Variants in EVL observed in about 807,000 individuals in gnomAD.
EVL encodes the protein ena/VASP-like protein.
A neutral mutation model predicts 59.6 loss-of-function variants in EVL; 21 were observed. The ratio of observed to expected loss-of-function variants is 0.35; its 90% CI spans 0.25 to 0.51. The LOEUF is 0.51. EVL is among the 20% of genes least tolerant of loss of function. The pLI is 0.97. For synonymous variants in EVL, 198 were observed against 203.5 expected, an observed-to-expected ratio of 0.97 and a Z score of 0.23; for missense variants, 462 against 546.6, an observed-to-expected ratio of 0.85 and a Z score of 1.54.
chr14:100,003,892 A>C lies in EVL; in HGVS notation c.5+31835A>C, dbSNP rs188043699. 7.9e-5 allele frequency among the ~76,000 whole-genome samples: 12 copies of C among 152,352 alleles called. No homozygotes were observed. In the East Asian group the frequency reaches 1.7e-3, roughly 22 times the overall value. On this transcript the variant is annotated intron_variant, in intron 1 of 13. Coordinates refer to the EVL transcript ENST00000402714. ...TGCACAGATTATATTGGAAGAAAAC[A>C]TTCCTTTTAGACCTTTAAAAAAATG...
intron 1 of EVL, among the ~76,000 whole-genome samples, chr14:100,054,956 C>T (rs1288666360): frequency 6.6e-6 from 1 of 152,174 alleles, no homozygotes; most frequent in Non-Finnish European, 1.5e-5. Context: ...AATCCCAGCA[C>T]TTTGGGAGGC....
chr14:100,048,999 C>T (rs2061602461), intron 1 of EVL, among the ~76,000 whole-genome samples: 1 of 152,116 alleles, frequency 6.6e-6, no homozygotes, highest in Non-Finnish European at 1.5e-5. Flanking sequence ...ACTCTTCTGC[C>T]TTCTGATTGT....
At chr14:100,002,203 C>G (rs1291349726) in intron 1 of EVL, among the ~76,000 whole-genome samples, 1 of 152,146 alleles carries the variant, frequency 6.6e-6, no homozygotes, top group Non-Finnish European at 1.5e-5. Context: ...ATTTCGCTCT[C>G]CATGAGTCCT....
intron 1 of EVL, among the ~76,000 whole-genome samples, chr14:99,990,291 T>G (rs2060866855): frequency 6.6e-6 from 1 of 152,244 alleles, no homozygotes; most frequent in Non-Finnish European, 1.5e-5. Context: ...TTCAGAAAAC[T>G]TGCTTAACAA....
intron 1 of EVL, among the ~76,000 whole-genome samples, chr14:100,072,256 C>T (rs1210237298): frequency 6.6e-6 from 1 of 152,116 alleles, no homozygotes; most frequent in Non-Finnish European, 1.5e-5. Context: ...TCGGAGTCTC[C>T]CTCTGTCGCT....
intron 1 of EVL, among the ~76,000 whole-genome samples, chr14:99,976,674 A>G (rs1359886028): frequency 1.3e-5 from 2 of 152,206 alleles, no homozygotes; most frequent in East Asian, 1.9e-4. Flanking sequence ...AGCACTTACA[A>G]TTGGCGTTGC....
intron 1 of EVL, among the ~76,000 whole-genome samples, chr14:100,052,089 G>T (rs1160782606): frequency 1.3e-5 from 2 of 152,256 alleles, no homozygotes; most frequent in Non-Finnish European, 2.9e-5. Context: ...TTTCTTCCAG[G>T]CTACCAACTC....
chr14:99,987,603 C>T (rs2060847665), intron 1 of EVL, among the ~76,000 whole-genome samples: 1 of 152,200 alleles, frequency 6.6e-6, no homozygotes. Context: ...GATTGCACCA[C>T]TGCACTCCAA....
At chr14:100,008,488 G>A (rs1369560934) in intron 1 of EVL, among the ~76,000 whole-genome samples, 1 of 152,138 alleles carries the variant, frequency 6.6e-6, no homozygotes, top group Non-Finnish European at 1.5e-5. Flanking sequence ...GTTCTTGCGT[G>A]TAACACAGTG....
chr14:100,099,375 C>T (rs1333063727), intron 3 of EVL, among the ~76,000 whole-genome samples: 2 of 152,056 alleles, frequency 1.3e-5, no homozygotes, highest in Non-Finnish European at 2.9e-5. Context: ...GTCTTACATA[C>T]AAACACACAC....
intron 1 of EVL, among the ~76,000 whole-genome samples, chr14:100,060,410 G>C (rs994945672): frequency 8.0e-5 from 11 of 137,010 alleles, no homozygotes; most frequent in Non-Finnish European, 1.7e-4. Flanking sequence ...CAGCCTGGGC[G>C]ACAGAGCGAG....
In EVL at chr14:100,016,738, A is replaced by T. The variant is rs140333270; in HGVS notation, c.5+44681A>T. On this transcript the variant is annotated intron_variant, in intron 1 of 13. Transcript: ENST00000402714. ...GACACTTTGGTGTTATCAGTAATCA[A>T]GTGGTCGAGGATTTCTAGCCTTTGA... 3.6e-4 allele frequency among the ~76,000 whole-genome samples: 55 copies of T among 152,302 alleles called. 1 individual carries two copies. In the East Asian group the frequency reaches 9.6e-3, roughly 27 times the overall value.
chr14:100,084,038 TTC>T (rs199920852), intron 1 of EVL, among the ~76,000 whole-genome samples: 2 of 147,674 alleles, frequency 1.4e-5, no homozygotes, highest in Admixed American at 6.7e-5. Context: ...TAATAATGCA[TTC>T]TCTCTCTCTC....
chr14:100,008,907 CTAT>C (rs2140191111), intron 1 of EVL, among the ~76,000 whole-genome samples: 2 of 152,098 alleles, frequency 1.3e-5, no homozygotes, highest in East Asian at 3.9e-4. Flanking sequence ...AGAAGCAGTG[CTAT>C]TTTAGATGAG....
chr14:100,081,712 C>G (rs1259038314), intron 1 of EVL, among the ~76,000 whole-genome samples: 1 of 152,184 alleles, frequency 6.6e-6, no homozygotes, highest in Non-Finnish European at 1.5e-5. Flanking sequence ...CAGTTCTTTA[C>G]TCCCTGCCTC....
At chr14:100,128,417 C>G in intron 5 of EVL, 102 bp from the exon 6 acceptor site, 1 of 1,183,212 alleles carries the variant, frequency 8.5e-7, no homozygotes, top group Non-Finnish European at 1.3e-6. Flanking sequence ...CTTTGGGGAG[C>G]AGCCTGCCCC....
chr14:100,100,810 T>A (rs901614506), intron 3 of EVL, among the ~76,000 whole-genome samples: 378 of 132,042 alleles, frequency 2.9e-3, no homozygotes, highest in African/African-American at 9.1e-3. Flanking sequence ...AAAAAAAAAA[T>A]GGAAGTATGA....
intron 7 of EVL, among the ~76,000 whole-genome samples, chr14:100,131,649 G>C (rs535621829): frequency 6.6e-5 from 10 of 152,328 alleles, no homozygotes; most frequent in East Asian, 3.9e-4. Flanking sequence ...TGGCTGCTGG[G>C]GGGTAGCTGG....
intron 8 of EVL, 59 bp from the exon 9 acceptor site, chr14:100,135,846 A>G: frequency 1.3e-6 from 2 of 1,495,574 alleles, no homozygotes; most frequent in Non-Finnish European, 1.9e-6. Flanking sequence ...GTGTCCAATG[A>G]TGTCCTGCCC....
Sources: gnomAD v4.1 joint callset for allele counts (sites outside exome capture counted in the v4.1 genomes callset) on GRCh38, gnomAD v4.1.1 for gene constraint, MANE v1.5 for transcripts, NCBI Gene and HGNC (gene_info 2026-07-23, HGNC 2026-07-21) for gene names.